The following VWA3A variants were observed in gnomAD, a reference collection of about 807,000 sequenced individuals.
The protein encoded by VWA3A is von Willebrand factor A domain containing 3A.
In VWA3A, 134 loss-of-function variants were observed where a neutral mutation model predicts 160.4. The observed-to-expected ratio is 0.84, with a 90% CI of 0.73 to 0.96. The LOEUF is 0.96. VWA3A is among the 40% of genes least tolerant of loss of function. The pLI is 0.00. For missense variants in VWA3A, 1,310 were observed against 1,447.9 expected, an observed-to-expected ratio of 0.90 and a Z score of 1.55; for synonymous variants, 476 against 543.4, an observed-to-expected ratio of 0.88 and a Z score of 1.72.
intron 27 of VWA3A, 93 bp downstream of exon 27, chr16:22,146,437 G>A: frequency 1.9e-6 from 2 of 1,072,892 alleles, no homozygotes; most frequent in Admixed American, 2.3e-5. Context: ...TCCAAAGCCA[G>A]GCCTTCAAGA....
At chr16:22,125,447 G>T (rs752722333) in intron 16 of VWA3A, among the ~76,000 whole-genome samples, 1 of 151,690 alleles carries the variant, frequency 6.6e-6, no homozygotes, top group East Asian at 1.9e-4. Context: ...TGTTTGAGAC[G>T]GAATCTCGCT....
rs532941574 is a variant in VWA3A at position 22,156,077 on chromosome 16, C to T, written c.*60C>T. 70 of 739,852 alleles carry T rather than the reference C, an allele frequency of 9.5e-5. 1 individual carries two copies. The highest frequency in any genetic ancestry group is 3.6e-4 in the African/African-American group (20 of 56,236). 45.8% of individuals were successfully genotyped at this position (739,852 alleles called of 1,614,324 possible). On this transcript the variant is annotated 3_prime_UTR_variant, in exon 34 of 34. Transcript: ENST00000389398. Reference sequence around the variant, plus strand: ...CCACTCACTGAGCAAATCTCAGCCCCGAGGGCAGGATGGGATGAAATGCTG... The same window carrying T: ...CCACTCACTGAGCAAATCTCAGCCCTGAGGGCAGGATGGGATGAAATGCTG...
chr16:22,150,164 G>C (rs1056902913), intron 29 of VWA3A, among the ~76,000 whole-genome samples: 2 of 152,178 alleles, frequency 1.3e-5, no homozygotes, highest in Admixed American at 6.5e-5. Flanking sequence ...CACTTTGGGA[G>C]GGCAAGGCAG....
At chr16:22,150,178 G>A (rs912946574) in intron 29 of VWA3A, among the ~76,000 whole-genome samples, 3 of 152,146 alleles carry the variant, frequency 2.0e-5, no homozygotes, top group Admixed American at 1.3e-4. Flanking sequence ...AAGGCAGGTG[G>A]ATCACCTGAG....
chr16:22,134,651 G>A (rs1598089142), intron 21 of VWA3A, among the ~76,000 whole-genome samples: 1 of 148,480 alleles, frequency 6.7e-6, no homozygotes, highest in East Asian at 2.3e-4. Context: ...GCTTCTGGTG[G>A]CAATTGGTGT....
At chr16:22,116,655 A>C in intron 9 of VWA3A, 104 bp from the exon 10 acceptor site, 1 of 879,810 alleles carries the variant, frequency 1.1e-6, no homozygotes, top group Non-Finnish European at 1.8e-6. Flanking sequence ...ACAGGTGGCC[A>C]GTTAAGAATG....
At chr16:22,131,520 C>T (rs1357064506) in intron 18 of VWA3A, 65 bp from the exon 19 acceptor site, 27 of 1,588,256 alleles carry the variant, frequency 1.7e-5, no homozygotes, top group Non-Finnish European at 2.1e-5. Flanking sequence ...CTCTCAGCTA[C>T]TCCCAAAAGG....
intron 6 of VWA3A, among the ~76,000 whole-genome samples, chr16:22,106,744 A>C (rs1275972208): frequency 6.6e-6 from 1 of 152,238 alleles, no homozygotes; most frequent in African/African-American, 2.4e-5. Context: ...TGGCTGCTGC[A>C]TAACTTGACT....
At chr16:22,145,413 C>T (rs574149841) in intron 26 of VWA3A, among the ~76,000 whole-genome samples, 11 of 152,116 alleles carry the variant, frequency 7.2e-5, no homozygotes, top group Non-Finnish European at 1.0e-4. Context: ...CCAAGGCGGG[C>T]GGATCACCTG....
chr16:22,100,523 A>C, intron 5 of VWA3A, 30 bp downstream of exon 5: 4 of 1,541,448 alleles, frequency 2.6e-6, no homozygotes, highest in Non-Finnish European at 3.5e-6. Context: ...TCCTCCCAAC[A>C]CCACAGAACT....
At position 22,146,266 on chromosome 16, in the gene VWA3A, AG is replaced by A; in HGVS notation, c.2764del (p.Glu922ArgfsTer13). 6.2e-7 allele frequency: 1 copy of A among 1,613,632 alleles called. No homozygotes were observed. The highest frequency in any genetic ancestry group is 8.5e-7 in the Non-Finnish European group (1 of 1,179,700). ...GVVRHIQWTP[R>X]EMEVYIRHLE... ...GGTGAGACACATCCAGTGGACGCCCAGGGAGATGGAGGTGTACATCAGGCAC... is the reference window on the plus strand; with the variant it reads ...GGTGAGACACATCCAGTGGACGCCCAGGAGATGGAGGTGTACATCAGGCAC... On this transcript the variant is annotated frameshift_variant, in exon 27 of 34. Transcript: ENST00000389398. LOFTEE classifies it high-confidence loss of function.
At chr16:22,122,716 C>A (rs1187417771) in intron 14 of VWA3A, among the ~76,000 whole-genome samples, 2 of 152,094 alleles carry the variant, frequency 1.3e-5, no homozygotes, top group Non-Finnish European at 2.9e-5. Context: ...AAGCTATGGC[C>A]AGTATATTTT....
chr16:22,146,854 C>T (rs776548305), intron 27 of VWA3A, among the ~76,000 whole-genome samples: 1 of 152,070 alleles, frequency 6.6e-6, no homozygotes, highest in Non-Finnish European at 1.5e-5. Context: ...AGAGCCCCAG[C>T]GGGAGCTCAC....
At chr16:22,113,214 T>C (rs1348247614) in intron 8 of VWA3A, among the ~76,000 whole-genome samples, 2 of 151,890 alleles carry the variant, frequency 1.3e-5, no homozygotes, top group Non-Finnish European at 2.9e-5. Flanking sequence ...GTTTTTGAGA[T>C]GGAGTCTTAC....
chr16:22,114,356 A>C (rs1454242264), intron 8 of VWA3A, among the ~76,000 whole-genome samples: 58 of 152,242 alleles, frequency 3.8e-4, no homozygotes, highest in Non-Finnish European at 4.4e-5. Context: ...ATAGCCACAC[A>C]GCCATAAAGC....
rs1256190032 is a variant in VWA3A at position 22,151,367 on chromosome 16, C to A, written c.3281+521C>A. On this transcript the variant is annotated intron_variant, in intron 30 of 33. Coordinates refer to ENST00000389398, the MANE Select transcript of VWA3A (RefSeq NM_173615.5). Reference sequence around the variant, plus strand: ...CCGGTGTCACACCACAGGGTGAAAACCCCTCTCTTTACCCAGATATTTCCC... The same window carrying A: ...CCGGTGTCACACCACAGGGTGAAAAACCCTCTCTTTACCCAGATATTTCCC... Among the ~76,000 whole-genome samples, 6 of 152,128 alleles carry A rather than the reference C, an allele frequency of 3.9e-5. No homozygotes were observed. The East Asian group carries it at 9.6e-4, about 24-fold the overall frequency.
chr16:22,116,268 AAAAG>A (rs1208968319), intron 9 of VWA3A: 14 of 414,172 alleles, frequency 3.4e-5, no homozygotes, highest in African/African-American at 4.5e-5. Context: ...GAGAGAAAGA[AAAAG>A]AAAAGAAGAA....
chr16:22,152,807 T>C (rs1267920925), intron 31 of VWA3A, among the ~76,000 whole-genome samples, 173 bp downstream of exon 31: 1 of 152,162 alleles, frequency 6.6e-6, no homozygotes, highest in African/African-American at 2.4e-5. Flanking sequence ...GTTTTCCTTC[T>C]GACGAAAAAG....
At chr16:22,094,066 A>G (rs1901444960) in intron 1 of VWA3A, among the ~76,000 whole-genome samples, 1 of 151,620 alleles carries the variant, frequency 6.6e-6, no homozygotes, top group Non-Finnish European at 1.5e-5. Context: ...GAGCCATTGC[A>G]CCCGGCCCCG....
Sources: gnomAD v4.1 joint callset for allele counts (sites outside exome capture counted in the v4.1 genomes callset) on GRCh38, gnomAD v4.1.1 for gene constraint, MANE v1.5 for transcripts, NCBI Gene and HGNC (gene_info 2026-07-23, HGNC 2026-07-21) for gene names.